Variants in SCN3A observed in about 807,000 individuals in gnomAD.
SCN3A encodes sodium voltage-gated channel alpha subunit 3.
Under a neutral mutation model 187.6 loss-of-function variants are expected in SCN3A, and 60 were observed. That is an observed-to-expected ratio of 0.32 (90% confidence interval 0.26 to 0.40). SCN3A has a LOEUF of 0.40. SCN3A is among the 10% of genes least tolerant of loss of function. The pLI is 1.00. For synonymous variants in SCN3A, 788 were observed against 829.2 expected, an observed-to-expected ratio of 0.95 and a Z score of 0.85; for missense variants, 1,601 against 2,428.2, an observed-to-expected ratio of 0.66 and a Z score of 7.16.
At chr2:165,188,204 T>A (rs1691359111) in intron 1 of SCN3A, among the ~76,000 whole-genome samples, 1 of 152,190 alleles carries the variant, frequency 6.6e-6, no homozygotes, top group Admixed American at 6.5e-5. Flanking sequence ...TATCTTTCTT[T>A]TTCCTACCCT....
At chr2:165,126,575 C>G (rs1166079784) in intron 18 of SCN3A, among the ~76,000 whole-genome samples, 1 of 121,048 alleles carries the variant, frequency 8.3e-6, no homozygotes, top group Non-Finnish European at 1.8e-5. Context: ...CCCCTTCCTT[C>G]CTCCCTCCCT....
intron 5 of SCN3A, among the ~76,000 whole-genome samples, chr2:165,168,233 TCTAAG>T (rs1026563882): frequency 1.1e-4 from 17 of 152,246 alleles, no homozygotes; most frequent in African/African-American, 4.1e-4. Flanking sequence ...ACAGAACACA[TCTAAG>T]CTGTTTCAGC....
chr2:165,189,801 A>G (rs1691477125), intron 1 of SCN3A, among the ~76,000 whole-genome samples: 1 of 152,130 alleles, frequency 6.6e-6, no homozygotes, highest in Admixed American at 6.5e-5. Context: ...ATTTTTTAGC[A>G]TCATTTTGCA....
chr2:165,148,717 C>T (rs1688499764), intron 11 of SCN3A, among the ~76,000 whole-genome samples: 1 of 151,422 alleles, frequency 6.6e-6, no homozygotes, highest in Non-Finnish European at 1.5e-5. Flanking sequence ...AAGACAATAC[C>T]CAGCATTTAA....
intron 21 of SCN3A, among the ~76,000 whole-genome samples, chr2:165,109,254 G>T (rs1050407334): frequency 1.4e-4 from 21 of 152,032 alleles, no homozygotes; most frequent in African/African-American, 4.6e-4. Flanking sequence ...TTGTTTATTT[G>T]CAGTCTCTGC....
intron 4 of SCN3A, among the ~76,000 whole-genome samples, 174 bp from the exon 5 acceptor site, chr2:165,168,999 C>CT (rs766731889): frequency 2.0e-5 from 3 of 151,882 alleles, no homozygotes; most frequent in Admixed American, 2.0e-4. Flanking sequence ...TTGGTGCACT[C>CT]TTTTTTTCAT....
At chr2:165,097,554 T>C (rs181920223) in intron 22 of SCN3A, 30 bp from the exon 23 acceptor site, 1 of 1,611,662 alleles carries the variant, frequency 6.2e-7, no homozygotes, top group African/African-American at 1.3e-5. Flanking sequence ...GAACATAGCT[T>C]ACAAACCTTT....
At chr2:165,173,868 A>G (rs566484704) in intron 3 of SCN3A, among the ~76,000 whole-genome samples, 9 of 152,316 alleles carry the variant, frequency 5.9e-5, no homozygotes, top group Non-Finnish European at 1.0e-4. Flanking sequence ...CGTAAAGACT[A>G]TCTAGATGTC....
chr2:165,160,814 A>T (rs1689318081), intron 9 of SCN3A, among the ~76,000 whole-genome samples: 1 of 151,964 alleles, frequency 6.6e-6, no homozygotes, highest in Non-Finnish European at 1.5e-5. Flanking sequence ...TAATTTTTGC[A>T]TTTTGTAGTA....
chr2:165,181,407 A>G (rs1690863925), intron 2 of SCN3A, among the ~76,000 whole-genome samples: 1 of 152,246 alleles, frequency 6.6e-6, no homozygotes, highest in Non-Finnish European at 1.5e-5. Context: ...TGCACTAATT[A>G]TTTGGAAAAT....
intron 1 of SCN3A, among the ~76,000 whole-genome samples, chr2:165,191,845 C>T (rs541217342): frequency 1.3e-5 from 2 of 152,172 alleles, no homozygotes; most frequent in East Asian, 3.9e-4. Context: ...GTGTCTAGAA[C>T]AGTACACGCA....
intron 17 of SCN3A, 117 bp from the exon 18 acceptor site, chr2:165,128,218 G>GCC (rs1687111940): frequency 1.3e-5 from 11 of 821,938 alleles, no homozygotes; most frequent in Non-Finnish European, 2.1e-5. Flanking sequence ...TTTATTGAAT[G>GCC]CTTACTATAT....
At chr2:165,122,507 C>T (rs1686755113) in intron 18 of SCN3A, among the ~76,000 whole-genome samples, 1 of 152,078 alleles carries the variant, frequency 6.6e-6, no homozygotes, top group Non-Finnish European at 1.5e-5. Flanking sequence ...TCCTACATCC[C>T]TGACTATATT....
At chr2:165,141,107 C>A in intron 12 of SCN3A, 109 bp from the exon 13 acceptor site, 1 of 705,004 alleles carries the variant, frequency 1.4e-6, no homozygotes, top group South Asian at 2.2e-5. Context: ...TTAGTATACT[C>A]TTGCTCTTAA....
chr2:165,171,204 A>C (rs1398795616), intron 3 of SCN3A, among the ~76,000 whole-genome samples: 3 of 151,940 alleles, frequency 2.0e-5, no homozygotes, highest in African/African-American at 7.2e-5. Context: ...ATTATTTACC[A>C]TGTTCCTATA....
chr2:165,135,484 C>T (rs1367043438), intron 15 of SCN3A, among the ~76,000 whole-genome samples: 1 of 152,000 alleles, frequency 6.6e-6, no homozygotes, highest in Non-Finnish European at 1.5e-5. Context: ...TGTAGATATT[C>T]TAAATTTATT....
In SCN3A at chr2:165,102,396, G is replaced by A. The variant is rs1685649683; in HGVS notation, c.3844-1972C>T. Among the ~76,000 whole-genome samples the A allele has an allele frequency of 5.3e-5, 8 of 152,126 alleles. No homozygotes were observed. The South Asian group carries it at 1.7e-3, about 32-fold the overall frequency. On this transcript the variant is annotated intron_variant, in intron 21 of 27. Transcript: ENST00000283254. ...CCAGGGATGGTGGCTCGCACTTGTA[G>A]CCTTAGCTATTTGGGAGGCTTAGGC...
chr2:165,130,438 G>GC, intron 16 of SCN3A, 142 bp from the exon 17 acceptor site: 1 of 819,760 alleles, frequency 1.2e-6, no homozygotes, highest in Non-Finnish European at 2.0e-6. Context: ...TTCAAATCCA[G>GC]AAAAAATAGT....
rs557550370 is a variant in SCN3A at position 165,087,623 on chromosome 2, T to G, written c.*2527A>C. 1.9e-4 allele frequency: 29 copies of G among 152,282 alleles called. No homozygotes were observed. Among genetic ancestry groups the G allele is most frequent in the African/African-American group, 7.0e-4 (29 of 41,560 alleles). The allele number at this position is 152,282 out of a possible 1,614,324, so 9.4% of individuals were successfully genotyped here. A position where few individuals can be genotyped will look rare whatever the true frequency, so the allele number is the denominator to read the frequency against. On this transcript the variant is annotated 3_prime_UTR_variant, in exon 28 of 28. Transcript: ENST00000283254. The stretch of plus-strand genomic sequence containing the variant: ...ATGCATTACAACTGGAGTTTTCCAC[T>G]GAGAATAAGAGTTTGGTTTTGACCT...
Sources: allele counts gnomAD v4.1 joint callset (sites outside exome capture counted in the v4.1 genomes callset), GRCh38; gene constraint gnomAD v4.1.1; transcripts MANE v1.5; gene names NCBI Gene and HGNC (gene_info 2026-07-23, HGNC 2026-07-21).